MRPS9: variants seen among roughly 807,000 people sequenced by gnomAD.
MRPS9 encodes the protein small ribosomal subunit protein uS9m.
In MRPS9, 45 loss-of-function variants were observed where a neutral mutation model predicts 59.9. That is an observed-to-expected ratio of 0.75 (90% CI 0.59 to 0.96). The LOEUF is 0.96. Ranked by LOEUF, MRPS9 falls within the 40% of genes least tolerant of loss-of-function variation. MRPS9 has a pLI of 0.00. For missense variants in MRPS9, 473 were observed against 481.1 expected (o/e 0.98, Z 0.16); for synonymous variants, 171 against 166.8 (o/e 1.03, Z -0.19).
intron 2 of MRPS9, among the ~76,000 whole-genome samples, chr2:105,052,536 G>A (rs1444743338): frequency 3.9e-5 from 6 of 152,170 alleles, no homozygotes; most frequent in African/African-American, 1.2e-4. Flanking sequence ...TGGTTTGCTA[G>A]CATTTTCTTG....
chr2:105,069,995 G>A (rs1388976729), intron 2 of MRPS9, among the ~76,000 whole-genome samples: 1 of 152,152 alleles, frequency 6.6e-6, no homozygotes, highest in African/African-American at 2.4e-5. Context: ...CTCAGCGACA[G>A]AGTGAGGTTC....
chr2:105,074,999 G>C (rs1338851721), intron 4 of MRPS9, among the ~76,000 whole-genome samples: 1 of 152,202 alleles, frequency 6.6e-6, no homozygotes, highest in Non-Finnish European at 1.5e-5. Flanking sequence ...TGTAGAATCA[G>C]TGTGAGGCCT....
intron 2 of MRPS9, among the ~76,000 whole-genome samples, chr2:105,049,870 G>T (rs952171715): frequency 3.9e-5 from 6 of 152,176 alleles, no homozygotes; most frequent in African/African-American, 1.4e-4. Context: ...AGAGTAGCTA[G>T]CAAAGGAAGT....
At chr2:105,067,288 ACTTGT>A (rs1680019082) in intron 2 of MRPS9, among the ~76,000 whole-genome samples, 1 of 152,144 alleles carries the variant, frequency 6.6e-6, no homozygotes, top group South Asian at 2.1e-4. Flanking sequence ...AATCCAGGCC[ACTTGT>A]CTTGTACAGT....
chr2:105,093,780 C>G, intron 9 of MRPS9, 142 bp downstream of exon 9: 1 of 475,856 alleles, frequency 2.1e-6, no homozygotes, highest in South Asian at 5.1e-5. Flanking sequence ...ATCAAACTAG[C>G]TAATTGAAGC....
chr2:105,060,373 C>T (rs1374581149), intron 2 of MRPS9, among the ~76,000 whole-genome samples: 1 of 152,196 alleles, frequency 6.6e-6, no homozygotes, highest in East Asian at 1.9e-4. Context: ...CCTCCGCCTC[C>T]TGGGTTCCAG....
intron 8 of MRPS9, among the ~76,000 whole-genome samples, chr2:105,093,015 G>A (rs1270519214): frequency 1.3e-5 from 2 of 152,048 alleles, no homozygotes; most frequent in African/African-American, 2.4e-5. Context: ...CAACTTTTAC[G>A]ACTTGAACTA....
intron 9 of MRPS9, 151 bp downstream of exon 9, chr2:105,093,789 G>T: frequency 2.1e-6 from 1 of 475,296 alleles, no homozygotes; most frequent in Non-Finnish European, 3.8e-6. Flanking sequence ...GCTAATTGAA[G>T]CTATTTTTTA....
At chr2:105,043,892 G>A (rs62151949) in intron 1 of MRPS9, among the ~76,000 whole-genome samples, 3,100 of 150,626 alleles carry the variant, frequency 0.021, 57 homozygotes, top group Non-Finnish European at 0.028. Context: ...CTTGGCTTCC[G>A]GAAGTGCTGG....
chr2:105,066,931 T>C (rs1411556896), intron 2 of MRPS9, among the ~76,000 whole-genome samples: 1 of 152,200 alleles, frequency 6.6e-6, no homozygotes, highest in Non-Finnish European at 1.5e-5. Flanking sequence ...TTTGAAACTT[T>C]TCAAATTTCC....
chr2:105,090,593 G>A (rs868155229), intron 7 of MRPS9, among the ~76,000 whole-genome samples: 4 of 152,160 alleles, frequency 2.6e-5, no homozygotes, highest in African/African-American at 4.8e-5. Flanking sequence ...CTTTCCAGGC[G>A]AATCTTATAC....
chr2:105,045,046 A>AG (rs1679568974), intron 1 of MRPS9, among the ~76,000 whole-genome samples: 1 of 152,166 alleles, frequency 6.6e-6, no homozygotes, highest in Admixed American at 6.5e-5. Flanking sequence ...CTGTAGAAAG[A>AG]GGGAAAAAAA....
At chr2:105,087,950 A>T (rs1233832263) in intron 5 of MRPS9, among the ~76,000 whole-genome samples, 1 of 152,148 alleles carries the variant, frequency 6.6e-6, no homozygotes, top group African/African-American at 2.4e-5. Context: ...TTTATCAGCA[A>T]CATTATGTGG....
chr2:105,064,077 T>C (rs747191050), intron 2 of MRPS9, among the ~76,000 whole-genome samples: 2 of 152,210 alleles, frequency 1.3e-5, no homozygotes, highest in Non-Finnish European at 2.9e-5. Context: ...AGTTTAGAAC[T>C]ACGGAAATAG....
chr2:105,069,390 T>C (rs527675867), intron 2 of MRPS9, among the ~76,000 whole-genome samples: 1 of 152,116 alleles, frequency 6.6e-6, no homozygotes, highest in African/African-American at 2.4e-5. Context: ...AATTTTTGTA[T>C]TTTTAGTAGA....
Position 105,097,316 on chromosome 2 carries a change from T to C in MRPS9, c.1091T>C (p.Met364Thr). Residue 364 changes from methionine (M) to threonine (T), a missense_variant, in exon 10 of 11, where the codon ATG becomes ACG. Physicochemically the swap from Met to Thr is moderately conservative, Grantham distance 81. Coordinates refer to ENST00000258455, the MANE Select transcript of MRPS9 (RefSeq NM_182640.3). ...GTCACCGAGGACGAGGTCGAGTGGA[T>C]GAGACAAGGTATGAGTCTAGGTGGG... ...SFVTEDEVEW[M>T]RQAGLLTTDP... 6.2e-7 allele frequency: 1 copy of C among 1,605,084 alleles called. No individual in the cohort carries two copies. The highest frequency in any genetic ancestry group is 1.1e-5 in the South Asian group (1 of 89,488).
intron 2 of MRPS9, among the ~76,000 whole-genome samples, chr2:105,058,868 C>G (rs1553440971): frequency 6.6e-6 from 1 of 151,882 alleles, no homozygotes; most frequent in Non-Finnish European, 1.5e-5. Flanking sequence ...TTAGTAGAGA[C>G]AGGGTTTCAC....
At chr2:105,095,302 A>T (rs566225772) in intron 9 of MRPS9, among the ~76,000 whole-genome samples, 32 of 152,162 alleles carry the variant, frequency 2.1e-4, no homozygotes, top group Non-Finnish European at 4.0e-4. Flanking sequence ...GGGAGCTTAA[A>T]CACTTTCCTG....
chr2:105,038,120 G>C lies in MRPS9; in HGVS notation c.28G>C (p.Gly10Arg). The change falls in exon 1 of 11, where the codon GGA (glycine) becomes CGA (arginine). Residue 10 changes from glycine (G) to arginine (R), a missense_variant. Gly to Arg is a moderately radical substitution (Grantham distance 125). Coordinates refer to ENST00000258455, the MANE Select transcript of MRPS9 (RefSeq NM_182640.3). The stretch of plus-strand genomic sequence containing the variant: ...GGCGGCGCCCTGTGTGTCCTACGGC[G>C]GAGCAGTTTCGTACCGGCTTCTTCT... Reference protein sequence around the residue: MAAPCVSYGGAVSYRLLLWG... With the variant: MAAPCVSYGRAVSYRLLLWG... The C allele has an allele frequency of 6.2e-7, 1 of 1,613,936 alleles. No homozygotes were observed. Among genetic ancestry groups the C allele is most frequent in the Non-Finnish European group, 8.5e-7 (1 of 1,179,992 alleles).
Sources: gnomAD v4.1 joint callset for allele counts (sites outside exome capture counted in the v4.1 genomes callset) on GRCh38, gnomAD v4.1.1 for gene constraint, MANE v1.5 for transcripts, NCBI Gene and HGNC (gene_info 2026-07-23, HGNC 2026-07-21) for gene names.